Variants in PXDNL observed in about 807,000 individuals in gnomAD.
PXDNL encodes peroxidasin like, also known as probable oxidoreductase PXDNL.
In PXDNL, 145 loss-of-function variants were observed where a neutral mutation model predicts 150.8. The ratio of observed to expected loss-of-function variants is 0.96; its 90% CI spans 0.84 to 1.10. PXDNL has a LOEUF of 1.10. PXDNL is among the 50% of genes least tolerant of loss of function. The probability of loss-of-function intolerance (pLI) is 0.00; values close to 1 mark genes in which losing one functional copy is unlikely to be tolerated. For synonymous variants in PXDNL, 757 were observed against 725.7 expected (o/e 1.04, Z -0.69); for missense variants, 2,087 against 1,873.9 (o/e 1.11, Z -2.10).
intron 1 of PXDNL, among the ~76,000 whole-genome samples, chr8:51,802,218 T>C (rs965626223): frequency 5.9e-5 from 9 of 152,104 alleles, no homozygotes; most frequent in African/African-American, 2.2e-4. Context: ...CAGTCAGAAT[T>C]GCACAGTTAA....
chr8:51,355,627 T>C (rs1188488225), intron 19 of PXDNL, among the ~76,000 whole-genome samples: 4 of 152,224 alleles, frequency 2.6e-5, no homozygotes, highest in Admixed American at 1.3e-4. Context: ...TGTTCTATAT[T>C]GAAGAGAATG....
At chr8:51,406,837 G>A (rs1165303088) in intron 17 of PXDNL, among the ~76,000 whole-genome samples, 2 of 152,116 alleles carry the variant, frequency 1.3e-5, no homozygotes, top group Non-Finnish European at 2.9e-5. Context: ...CAGTCATCTC[G>A]GCTCCCACGC....
chr8:51,802,063 C>T (rs1451605963), intron 1 of PXDNL, among the ~76,000 whole-genome samples: 1 of 151,856 alleles, frequency 6.6e-6, no homozygotes, highest in Non-Finnish European at 1.5e-5. Context: ...ACCATTAGCA[C>T]TCTGTAGCAT....
chr8:51,684,230 C>T (rs578233394), intron 1 of PXDNL, among the ~76,000 whole-genome samples: 1 of 152,192 alleles, frequency 6.6e-6, no homozygotes, highest in Non-Finnish European at 1.5e-5. Flanking sequence ...AATCTCTTTG[C>T]AACTGATCCA....
chr8:51,323,436 C>A (rs985665666), intron 21 of PXDNL, among the ~76,000 whole-genome samples: 2 of 151,988 alleles, frequency 1.3e-5, no homozygotes, highest in Admixed American at 6.6e-5. Flanking sequence ...TATGCCACCA[C>A]GTCCAGCTAA....
At chr8:51,807,622 G>A (rs577122155) in intron 1 of PXDNL, among the ~76,000 whole-genome samples, 6 of 152,240 alleles carry the variant, frequency 3.9e-5, no homozygotes, top group Non-Finnish European at 7.3e-5. Flanking sequence ...TCCCAGACAG[G>A]AATCTAGCCA....
chr8:51,665,990 G>T (rs897248687), intron 1 of PXDNL, among the ~76,000 whole-genome samples: 1 of 152,128 alleles, frequency 6.6e-6, no homozygotes, highest in African/African-American at 2.4e-5. Flanking sequence ...TAACATTTTT[G>T]CTTTATCTCT....
At chr8:51,573,464 G>C (rs528098152) in intron 3 of PXDNL, among the ~76,000 whole-genome samples, 4 of 152,000 alleles carry the variant, frequency 2.6e-5, no homozygotes, top group Non-Finnish European at 5.9e-5. Flanking sequence ...ATGAAGCAGT[G>C]ATGATGCCAC....
At chr8:51,640,528 A>G (rs1361860261) in intron 2 of PXDNL, among the ~76,000 whole-genome samples, 1 of 152,308 alleles carries the variant, frequency 6.6e-6, no homozygotes, top group Non-Finnish European at 1.5e-5. Flanking sequence ...AAATCAATGT[A>G]CAAAAATCAC....
intron 8 of PXDNL, among the ~76,000 whole-genome samples, chr8:51,458,101 A>C (rs1809975367): frequency 6.6e-6 from 1 of 152,232 alleles, no homozygotes; most frequent in Non-Finnish European, 1.5e-5. Context: ...AGTGTAAAAA[A>C]AATATTCCTA....
chr8:51,765,312 T>C (rs1334567300), intron 1 of PXDNL, among the ~76,000 whole-genome samples: 1 of 152,196 alleles, frequency 6.6e-6, no homozygotes, highest in Non-Finnish European at 1.5e-5. Context: ...GTGAAATCCC[T>C]TTGGCTTGGA....
At chr8:51,625,890 C>A (rs1219248262) in intron 2 of PXDNL, among the ~76,000 whole-genome samples, 2 of 152,136 alleles carry the variant, frequency 1.3e-5, no homozygotes, top group African/African-American at 2.4e-5. Context: ...TACTTAACAG[C>A]CAAGCGAAGA....
At chr8:51,366,686 C>G (rs1806928687) in intron 19 of PXDNL, among the ~76,000 whole-genome samples, 1 of 152,172 alleles carries the variant, frequency 6.6e-6, no homozygotes, top group Admixed American at 6.5e-5. Flanking sequence ...AAAGAAAGCC[C>G]TCTGTACAGT....
intron 11 of PXDNL, among the ~76,000 whole-genome samples, chr8:51,448,465 G>A (rs895476764): frequency 2.0e-5 from 3 of 152,152 alleles, no homozygotes; most frequent in Non-Finnish European, 2.9e-5. Flanking sequence ...AGAACTTTGG[G>A]AGGCCGAGGC....
intron 11 of PXDNL, among the ~76,000 whole-genome samples, chr8:51,448,783 C>T (rs886263826): frequency 1.3e-5 from 2 of 151,962 alleles, no homozygotes; most frequent in African/African-American, 4.8e-5. Flanking sequence ...AAACCGAGTC[C>T]CAGAGGGGAT....
At chr8:51,500,087 T>C (rs1236987133) in intron 4 of PXDNL, among the ~76,000 whole-genome samples, 1 of 152,192 alleles carries the variant, frequency 6.6e-6, no homozygotes, top group African/African-American at 2.4e-5. Context: ...TTAAAATGTT[T>C]AAAGTAAGCA....
Position 51,364,666 on chromosome 8 carries a change from G to T in PXDNL, c.3901+7207C>A, listed in dbSNP as rs1586037341. On this transcript the variant is annotated intron_variant, in intron 19 of 22. Coordinates refer to ENST00000356297, the MANE Select transcript of PXDNL (RefSeq NM_144651.5). ...TGAAGGGCCAGTGTAAGTGAGAAAT[G>T]TTCATGGTACATTTGTTGTCTCACA... is the stretch of plus-strand genomic sequence containing the variant. 2.0e-5 allele frequency among the ~76,000 whole-genome samples: 3 copies of T among 152,170 alleles called. No homozygotes were observed. In the South Asian group the frequency reaches 6.2e-4, roughly 31 times the overall value.
At chr8:51,583,281 G>C (rs920523106) in intron 3 of PXDNL, among the ~76,000 whole-genome samples, 1 of 152,102 alleles carries the variant, frequency 6.6e-6, no homozygotes, top group African/African-American at 2.4e-5. Flanking sequence ...TCTGGTGAGG[G>C]CTACAGGAAG....
intron 1 of PXDNL, among the ~76,000 whole-genome samples, chr8:51,690,295 T>C (rs961787474): frequency 2.0e-5 from 3 of 152,166 alleles, no homozygotes; most frequent in Non-Finnish European, 4.4e-5. Flanking sequence ...GCATTAGGTA[T>C]ATCTCCTAAT....
Sources: allele counts gnomAD v4.1 joint callset (sites outside exome capture counted in the v4.1 genomes callset), GRCh38; gene constraint gnomAD v4.1.1; transcripts MANE v1.5; gene names NCBI Gene and HGNC (gene_info 2026-07-23, HGNC 2026-07-21).